The following VAV3 variants were observed in gnomAD, a reference collection of about 807,000 sequenced individuals.
VAV3 encodes guanine nucleotide exchange factor VAV3.
A neutral mutation model predicts 131.2 loss-of-function variants in VAV3; 94 were observed. The observed-to-expected ratio is 0.72, with a 90% confidence interval of 0.61 to 0.85. The LOEUF (loss-of-function observed/expected upper bound fraction) is 0.85, where lower values mean the gene tolerates loss of function less well. Among genes scored for constraint, VAV3 ranks in the 40% least tolerant of loss-of-function variants. The pLI is 0.00. For missense variants in VAV3, 939 were observed against 1,002.7 expected (o/e 0.94, Z 0.86); for synonymous variants, 349 against 342.0 (o/e 1.02, Z -0.22).
At chr1:107,664,295 C>T (rs770859474) in intron 19 of VAV3, among the ~76,000 whole-genome samples, 1 of 151,928 alleles carries the variant, frequency 6.6e-6, no homozygotes, top group Non-Finnish European at 1.5e-5. Flanking sequence ...AAACCATCAC[C>T]TGGGTATTAA....
chr1:107,639,637 A>T lies in VAV3; in HGVS notation c.1914+2982T>A, dbSNP rs553513739. Among the ~76,000 whole-genome samples, 14 of 152,298 alleles carry T rather than the reference A, an allele frequency of 9.2e-5. No homozygotes were observed. In the South Asian group the frequency reaches 2.7e-3, roughly 29 times the overall value. On this transcript the variant is annotated intron_variant, in intron 20 of 26. Coordinates refer to ENST00000370056, the MANE Select transcript of VAV3 (RefSeq NM_006113.5). ...CAAATCAAAACTGCAATGAGACACCACTATATACCTGCTAGAATAAATAAA... is the reference window on the plus strand; with the variant it reads ...CAAATCAAAACTGCAATGAGACACCTCTATATACCTGCTAGAATAAATAAA...
In VAV3 at chr1:107,964,862, G is replaced by T; in HGVS notation, c.8C>A (p.Pro3Gln). 6 of 1,599,532 alleles carry T rather than the reference G, an allele frequency of 3.8e-6. No homozygotes were observed. Among genetic ancestry groups the T allele is most frequent in the Non-Finnish European group, 5.1e-6 (6 of 1,172,922 alleles). The change falls in exon 1 of 27, where the codon CCG (proline) becomes CAG (glutamine). Residue 3 changes from proline (P) to glutamine (Q), a missense_variant. Physicochemically the swap from Pro to Gln is moderately conservative, Grantham distance 76 (BLOSUM62 -1). Transcript: ENST00000370056. ...GAGCCACTGCGCGCACTGCTTCCACGGCTCCATGCCCGACGGCTCCGGGAC... is the reference window on the plus strand; with the variant it reads ...GAGCCACTGCGCGCACTGCTTCCACTGCTCCATGCCCGACGGCTCCGGGAC... Reference protein sequence around the residue: MEPWKQCAQWLIH... With the variant: MEQWKQCAQWLIH...
chr1:107,837,303 G>A (rs761052562), intron 2 of VAV3, among the ~76,000 whole-genome samples: 3 of 152,122 alleles, frequency 2.0e-5, no homozygotes, highest in East Asian at 3.9e-4. Context: ...CACATAAATA[G>A]AACTAAAATC....
intron 1 of VAV3, among the ~76,000 whole-genome samples, chr1:107,887,454 C>A (rs1176811653): frequency 6.6e-6 from 1 of 152,068 alleles, no homozygotes; most frequent in Non-Finnish European, 1.5e-5. Flanking sequence ...GAAATCTGCC[C>A]AACACATAAA....
intron 21 of VAV3, among the ~76,000 whole-genome samples, chr1:107,615,154 A>G (rs1256538808): frequency 2.0e-5 from 3 of 152,200 alleles, no homozygotes; most frequent in Non-Finnish European, 4.4e-5. Flanking sequence ...TAAAGAGCCC[A>G]GAAATAATGC....
At chr1:107,751,996 A>T (rs187214100) in intron 12 of VAV3, among the ~76,000 whole-genome samples, 16 of 152,334 alleles carry the variant, frequency 1.1e-4, no homozygotes, top group African/African-American at 3.8e-4. Flanking sequence ...TCCATTCTAA[A>T]ATTCTTATGG....
intron 19 of VAV3, among the ~76,000 whole-genome samples, chr1:107,644,373 C>A (rs959906422): frequency 2.0e-5 from 3 of 152,066 alleles, no homozygotes. Flanking sequence ...GAGAGAATTG[C>A]AGTTCACCTC....
At chr1:107,902,718 C>G (rs1030866942) in intron 1 of VAV3, among the ~76,000 whole-genome samples, 2 of 151,930 alleles carry the variant, frequency 1.3e-5, no homozygotes, top group Non-Finnish European at 2.9e-5. Context: ...TAAATCATAT[C>G]TATGTATCAA....
At chr1:107,579,304 A>G (rs1340422810) in intron 25 of VAV3, among the ~76,000 whole-genome samples, 1 of 152,194 alleles carries the variant, frequency 6.6e-6, no homozygotes, top group Non-Finnish European at 1.5e-5. Context: ...TCTCACCTGA[A>G]TTTCAGACTA....
At chr1:107,593,551 T>A (rs1651131426) in intron 25 of VAV3, among the ~76,000 whole-genome samples, 1 of 152,060 alleles carries the variant, frequency 6.6e-6, no homozygotes, top group African/African-American at 2.4e-5. Flanking sequence ...AAGGTAATAA[T>A]GCTTGGCAAA....
At chr1:107,784,569 C>T (rs1367390049) in intron 2 of VAV3, among the ~76,000 whole-genome samples, 2 of 152,098 alleles carry the variant, frequency 1.3e-5, no homozygotes, top group Non-Finnish European at 2.9e-5. Flanking sequence ...AAAATATCTG[C>T]ATAAATTTAG....
intron 1 of VAV3, among the ~76,000 whole-genome samples, chr1:107,921,114 C>T (rs922537811): frequency 1.3e-5 from 2 of 152,180 alleles, no homozygotes; most frequent in Non-Finnish European, 2.9e-5. Flanking sequence ...TACTTAAAAT[C>T]CTTCAGTGGC....
At chr1:107,746,272 A>T (rs6583046) in intron 15 of VAV3, among the ~76,000 whole-genome samples, 100,159 of 151,994 alleles carry the variant, frequency 0.66, 33,620 homozygotes, top group East Asian at 0.97. Context: ...GATTTTATTT[A>T]ACCATATATA....
intron 15 of VAV3, among the ~76,000 whole-genome samples, chr1:107,708,780 C>T (rs1356959519): frequency 6.6e-6 from 1 of 152,064 alleles, no homozygotes; most frequent in African/African-American, 2.4e-5. Context: ...ATGAATTTTT[C>T]CCTCTCCCTC....
chr1:107,719,957 G>C (rs1481720847), intron 15 of VAV3, among the ~76,000 whole-genome samples: 1 of 152,066 alleles, frequency 6.6e-6, no homozygotes, highest in Non-Finnish European at 1.5e-5. Context: ...ACTATCACAA[G>C]GACAGAAAAC....
chr1:107,612,064 ACTT>A (rs921046914), intron 21 of VAV3, among the ~76,000 whole-genome samples: 1 of 151,962 alleles, frequency 6.6e-6, no homozygotes, highest in Non-Finnish European at 1.5e-5. Context: ...ACACTGCAAA[ACTT>A]CTGCTATGAA....
intron 17 of VAV3, among the ~76,000 whole-genome samples, chr1:107,702,793 T>C (rs968066370): frequency 6.5e-5 from 7 of 107,936 alleles, no homozygotes; most frequent in African/African-American, 3.2e-4. Flanking sequence ...GCCCACGTCT[T>C]TCAAAAAAAA....
intron 19 of VAV3, chr1:107,668,971 G>A (rs1049586021): frequency 2.8e-5 from 28 of 991,768 alleles, no homozygotes; most frequent in Non-Finnish European, 3.2e-5. Context: ...TTCGCGATAC[G>A]GGTGTGGGGT....
chr1:107,636,253 A>G (rs749048676), intron 20 of VAV3, among the ~76,000 whole-genome samples: 3 of 152,228 alleles, frequency 2.0e-5, no homozygotes, highest in East Asian at 1.9e-4. Flanking sequence ...AGGTAATCTC[A>G]GATATCATGC....
Sources: allele counts gnomAD v4.1 joint callset (sites outside exome capture counted in the v4.1 genomes callset), GRCh38; gene constraint gnomAD v4.1.1; transcripts MANE v1.5; gene names NCBI Gene and HGNC (gene_info 2026-07-23, HGNC 2026-07-21).